Variants in PRKAR1A observed in about 807,000 individuals in gnomAD.
PRKAR1A encodes protein kinase cAMP-dependent type I regulatory subunit alpha, also known as cAMP-dependent protein kinase type I-alpha regulatory subunit.
Under a neutral mutation model 52.0 loss-of-function variants are expected in PRKAR1A, and 3 were observed. The ratio of observed to expected loss-of-function variants is 0.06; its 90% CI spans 0.03 to 0.15. The LOEUF (loss-of-function observed/expected upper bound fraction) is 0.15. PRKAR1A is among the 10% of genes least tolerant of loss of function. PRKAR1A has a pLI of 1.00. For missense variants in PRKAR1A, 240 were observed against 477.4 expected (o/e 0.50, Z 4.63); for synonymous variants, 188 against 168.4 (o/e 1.12, Z -0.90).
At chr17:68,433,476 G>A in the PRKAR1A span, 2 of 1,614,004 alleles carry the variant, frequency 1.2e-6, no homozygotes, top group Non-Finnish European at 1.7e-6. Flanking sequence ...GCCTGTTGGT[G>A]ACCTGTTCCA....
Position 68,515,374 on chromosome 17 carries a change from T to G in PRKAR1A, c.-6-20T>G. 1 of 1,612,382 alleles carries G rather than the reference T, an allele frequency of 6.2e-7. No individual in the cohort carries two copies. The highest frequency in any genetic ancestry group is 8.5e-7 in the Non-Finnish European group (1 of 1,179,904). ...TTGCTTTATAGTTTATACAAGCATG[T>G]GTGTGTTTTTTTCTCGCAGAGAACC... On this transcript the variant is annotated intron_variant, in intron 1 of 10. Transcript: ENST00000589228.
the PRKAR1A span, among the ~76,000 whole-genome samples, chr17:68,481,718 T>C: frequency 6.6e-6 from 1 of 152,210 alleles, no homozygotes; most frequent in Non-Finnish European, 1.5e-5. Flanking sequence ...TAGTTATTCA[T>C]ACAGCCATTC....
At chr17:68,524,105 G>A in intron 5 of PRKAR1A, 28 bp downstream of exon 5, 1 of 1,611,104 alleles carries the variant, frequency 6.2e-7, no homozygotes, top group South Asian at 1.1e-5. Context: ...ATGCAATATT[G>A]TTACGGGAGA....
chr17:68,491,705 C>T, the PRKAR1A span, among the ~76,000 whole-genome samples: 1 of 152,096 alleles, frequency 6.6e-6, no homozygotes, highest in Non-Finnish European at 1.5e-5. Flanking sequence ...AAAGTAGCAA[C>T]CTCTGGAGGA....
chr17:68,427,452 G>GTTCAAGCGATTCTCCTGCC, the PRKAR1A span: 4 of 389,436 alleles, frequency 1.0e-5, no homozygotes, highest in African/African-American at 8.4e-5. Flanking sequence ...CGCCTCCTGG[G>GTTCAAGCGATTCTCCTGCC]TTCAAGCGAT....
At chr17:68,534,751 A>T (rs1385806732), downstream of PRKAR1A, among the ~76,000 whole-genome samples, 1 of 152,182 alleles carries the variant, frequency 6.6e-6, no homozygotes, top group Non-Finnish European at 1.5e-5. Flanking sequence ...GTTTGCCATG[A>T]GTACAATGTT....
chr17:68,484,456 A>ATC, the PRKAR1A span, among the ~76,000 whole-genome samples: 287 of 125,618 alleles, frequency 2.3e-3, 1 homozygote, highest in South Asian at 0.012. Context: ...TTATCGTGGT[A>ATC]TCTTTTTTTT....
At chr17:68,528,760 T>C in intron 8 of PRKAR1A, 110 bp from the exon 9 acceptor site, 2 of 1,412,068 alleles carry the variant, frequency 1.4e-6, no homozygotes, top group South Asian at 2.3e-5. Flanking sequence ...GAGACACTAC[T>C]AGAATGTTGA....
At chr17:68,496,760 G>C in the PRKAR1A span, among the ~76,000 whole-genome samples, 1 of 151,686 alleles carries the variant, frequency 6.6e-6, no homozygotes. Flanking sequence ...CTAAAAGAAG[G>C]GGTCAACAAA....
the PRKAR1A span, among the ~76,000 whole-genome samples, chr17:68,441,681 C>G: frequency 6.6e-6 from 1 of 152,306 alleles, no homozygotes; most frequent in East Asian, 1.9e-4. Flanking sequence ...TGACTGCCCG[C>G]ATGGACAGGG....
chr17:68,547,754 G>A (rs1199791391), intron 11 of PRKAR1A, among the ~76,000 whole-genome samples: 2 of 152,212 alleles, frequency 1.3e-5, no homozygotes, highest in South Asian at 2.1e-4. Context: ...AACTTGCTCC[G>A]TATCAGCAGT....
upstream of PRKAR1A, among the ~76,000 whole-genome samples, chr17:68,510,611 G>C (rs900584595): frequency 2.5e-4 from 38 of 152,132 alleles, no homozygotes; most frequent in African/African-American, 8.7e-4. Flanking sequence ...AATTCCCTCT[G>C]CTGCTTGCCA....
chr17:68,415,827 A>G, the PRKAR1A span, among the ~76,000 whole-genome samples: 1 of 152,138 alleles, frequency 6.6e-6, no homozygotes, highest in African/African-American at 2.4e-5. Flanking sequence ...CTGATATAAG[A>G]TAGCTACCCC....
chr17:68,541,377 C>T (rs541730603), intron 11 of PRKAR1A: 25 of 223,728 alleles, frequency 1.1e-4, no homozygotes, highest in Non-Finnish European at 2.1e-4. Flanking sequence ...TACAATGCTC[C>T]GATGCCCATT....
chr17:68,426,254 G>GCCCCCCCC, the PRKAR1A span: 3 of 816,854 alleles, frequency 3.7e-6, no homozygotes, highest in Non-Finnish European at 5.8e-6. Flanking sequence ...GGGAGCGGGG[G>GCCCCCCCC]CTCAAATAAA....
chr17:68,537,494 C>T (rs2086127802), downstream of PRKAR1A: 1 of 1,614,008 alleles, frequency 6.2e-7, no homozygotes, highest in Non-Finnish European at 8.5e-7. The surrounding 1 kb of genome is among the most constrained non-coding windows in gnomAD (Gnocchi z 4.2). Context: ...GTCAAGTTAG[C>T]CTGGCCAGAG....
At chr17:68,489,266 GTA>G in the PRKAR1A span, among the ~76,000 whole-genome samples, 290 of 9,318 alleles carry the variant, frequency 0.031, 29 homozygotes, top group South Asian at 0.045. Flanking sequence ...TATATGGAAA[GTA>G]TATATATATA....
At chr17:68,478,880 AC>A in the PRKAR1A span, among the ~76,000 whole-genome samples, 2 of 152,124 alleles carry the variant, frequency 1.3e-5, no homozygotes, top group African/African-American at 4.8e-5. Flanking sequence ...GGCACACGCC[AC>A]CATGTCTGGC....
downstream of PRKAR1A, chr17:68,535,471 T>C (rs1358854187): frequency 2.2e-6 from 1 of 454,000 alleles, no homozygotes; most frequent in African/African-American, 2.0e-5. Context: ...CATTTTGTGC[T>C]ATTCTTTGAA....
Sources: gnomAD v4.1 joint callset for allele counts (sites outside exome capture counted in the v4.1 genomes callset) on GRCh38, gnomAD v4.1.1 for gene constraint, Gnocchi (gnomAD v3.1) non-coding constraint, MANE v1.5 for transcripts, NCBI Gene and HGNC (gene_info 2026-07-23, HGNC 2026-07-21) for gene names.